NFIB: variants seen among roughly 807,000 people sequenced by gnomAD.
The protein encoded by NFIB is nuclear factor I B.
NFIB carries 11 observed loss-of-function variants against 61.5 expected under a neutral mutation model. The ratio of observed to expected loss-of-function variants is 0.18; its 90% CI spans 0.11 to 0.30. The LOEUF (loss-of-function observed/expected upper bound fraction) is 0.30, where lower values mean the gene tolerates loss of function less well. Ranked by LOEUF, NFIB falls within the 10% of genes least tolerant of loss-of-function variation. The pLI is 1.00. For missense variants in NFIB, 471 were observed against 608.9 expected (o/e 0.77, Z 2.38); for synonymous variants, 260 against 216.5 (o/e 1.20, Z -1.76).
intron 2 of NFIB, among the ~76,000 whole-genome samples, chr9:14,226,946 CCTGA>C (rs1167061690): frequency 4.0e-5 from 6 of 151,444 alleles, no homozygotes; most frequent in Non-Finnish European, 5.9e-5. Context: ...TCGTGACCAG[CCTGA>C]CTAAGATGGT....
At chr9:14,242,742 A>G (rs2054488371) in intron 2 of NFIB, among the ~76,000 whole-genome samples, 2 of 152,330 alleles carry the variant, frequency 1.3e-5, no homozygotes, top group South Asian at 2.1e-4. Context: ...ATATCAGTCA[A>G]AGACATTCAA....
At chr9:14,341,242 G>T (rs991873630) in intron 1 of NFIB, among the ~76,000 whole-genome samples, 2 of 152,124 alleles carry the variant, frequency 1.3e-5, no homozygotes, top group African/African-American at 4.8e-5. Context: ...TGTCAGAACT[G>T]GGGAATTTAG....
the NFIB span, among the ~76,000 whole-genome samples, chr9:14,447,345 T>A: frequency 6.6e-6 from 1 of 152,214 alleles, no homozygotes; most frequent in African/African-American, 2.4e-5. Context: ...ATGCTCCGTA[T>A]TCTCAGAATT....
Position 14,082,812 on chromosome 9 carries a change from A to G in NFIB, c.*5497T>C, listed in dbSNP as rs979086858. 9.8e-6 allele frequency: 2 copies of G among 204,752 alleles called. No individual in the cohort carries two copies. The highest frequency in any genetic ancestry group is 2.3e-5 in the African/African-American group (1 of 43,706). 12.7% of individuals were successfully genotyped at this position (204,752 alleles called of 1,614,324 possible). A position where few individuals can be genotyped will look rare whatever the true frequency, so the allele number is the denominator to read the frequency against. The stretch of plus-strand genomic sequence containing the variant: ...AAAAAAAAGACTTCCTTCTGCATAA[A>G]GAGATATATTTGCCACATCAGTCCC... On this transcript the variant is annotated 3_prime_UTR_variant, in exon 11 of 11. Coordinates refer to ENST00000380953, the MANE Select transcript of NFIB (RefSeq NM_001190737.2).
At chr9:14,248,939 C>T (rs554176755) in intron 2 of NFIB, among the ~76,000 whole-genome samples, 2 of 152,320 alleles carry the variant, frequency 1.3e-5, no homozygotes, top group African/African-American at 4.8e-5. Context: ...TTCCCAGTTA[C>T]ATCATTTGAA....
chr9:14,287,987 A>C (rs2058829316), intron 2 of NFIB, among the ~76,000 whole-genome samples: 1 of 152,118 alleles, frequency 6.6e-6, no homozygotes, highest in African/African-American at 2.4e-5. Flanking sequence ...TTGATTTTTA[A>C]AATAATAATG....
intron 3 of NFIB, among the ~76,000 whole-genome samples, chr9:14,158,364 T>C (rs1165742372): frequency 6.6e-6 from 1 of 152,188 alleles, no homozygotes; most frequent in African/African-American, 2.4e-5. Flanking sequence ...CAACTCCTTC[T>C]ACCACCCACT....
intron 6 of NFIB, among the ~76,000 whole-genome samples, chr9:14,140,483 C>G (rs2041563355): frequency 6.6e-6 from 1 of 152,152 alleles, no homozygotes; most frequent in African/African-American, 2.4e-5. Context: ...AAGAGCCACT[C>G]CTGGATATTC....
the NFIB span, among the ~76,000 whole-genome samples, chr9:14,495,446 C>CTTTT: frequency 0.011 from 1,314 of 117,226 alleles, 45 homozygotes; most frequent in Non-Finnish European, 0.015. Context: ...GAGAAATGAA[C>CTTTT]TTTTTTTTTT....
chr9:14,088,389 TACA>T, intron 10 of NFIB, 63 bp from the exon 11 acceptor site: 1 of 1,387,866 alleles, frequency 7.2e-7, no homozygotes, highest in Non-Finnish European at 9.5e-7. Flanking sequence ...TGTTAAAATC[TACA>T]ACAATATGAG....
At chr9:14,264,073 AAG>A (rs1243448543) in intron 2 of NFIB, among the ~76,000 whole-genome samples, 2 of 152,334 alleles carry the variant, frequency 1.3e-5, no homozygotes, top group Middle Eastern at 3.4e-3. Flanking sequence ...CAAAGGAAGA[AAG>A]GAGACAAACT....
At chr9:14,316,785 T>C (rs917109897), upstream of NFIB, among the ~76,000 whole-genome samples, 2 of 152,020 alleles carry the variant, frequency 1.3e-5, no homozygotes, top group African/African-American at 4.8e-5. Context: ...GGGGAGGGGG[T>C]GGGGAAGCTC....
At chr9:14,196,618 C>A (rs2048498294) in intron 2 of NFIB, among the ~76,000 whole-genome samples, 1 of 151,576 alleles carries the variant, frequency 6.6e-6, no homozygotes, top group Admixed American at 6.6e-5. Context: ...CAGAATGTGT[C>A]CTCCAAGGCT....
Position 14,147,482 on chromosome 9 carries a change from T to C in NFIB, c.807-675A>G, listed in dbSNP as rs185572373. Among the ~76,000 whole-genome samples the C allele has an allele frequency of 2.2e-3, 330 of 152,086 alleles. 3 individuals are homozygous for C. Among genetic ancestry groups the C allele is most frequent in the African/African-American group, 7.6e-3 (315 of 41,524 alleles). The stretch of plus-strand genomic sequence containing the variant: ...GTAATTCTTAGTAATAACCCTATCA[T>C]TAATAATAAAAAATTATAGTATTTT... On this transcript the variant is annotated intron_variant, in intron 5 of 10. Coordinates refer to ENST00000380953, the MANE Select transcript of NFIB (RefSeq NM_001190737.2).
At chr9:14,407,673 C>CA in the NFIB span, among the ~76,000 whole-genome samples, 9 of 151,780 alleles carry the variant, frequency 5.9e-5, no homozygotes, top group Middle Eastern at 3.4e-3. Flanking sequence ...TTGTCTGCAC[C>CA]AAAAAAAATT....
chr9:14,439,898 T>C, the NFIB span, among the ~76,000 whole-genome samples: 4 of 152,174 alleles, frequency 2.6e-5, no homozygotes, highest in Non-Finnish European at 5.9e-5. Flanking sequence ...TTCTGCCCTA[T>C]ATGAACCAAT....
intron 2 of NFIB, among the ~76,000 whole-genome samples, chr9:14,263,632 C>T (rs538988597): frequency 2.6e-5 from 4 of 152,272 alleles, no homozygotes; most frequent in African/African-American, 9.6e-5. Flanking sequence ...GGTTTGCCAT[C>T]TAGATTCTTC....
At chr9:14,420,160 TAA>T in the NFIB span, among the ~76,000 whole-genome samples, 1 of 152,072 alleles carries the variant, frequency 6.6e-6, no homozygotes, top group Non-Finnish European at 1.5e-5. Context: ...ATGACGTTAT[TAA>T]AGAGCCGGGC....
intron 1 of NFIB, among the ~76,000 whole-genome samples, chr9:14,358,179 T>C (rs2061197944): frequency 6.6e-6 from 1 of 150,452 alleles, no homozygotes; most frequent in South Asian, 2.1e-4. Context: ...ACATAATTAA[T>C]ATCTATTTAT....
Sources: allele counts gnomAD v4.1 joint callset (sites outside exome capture counted in the v4.1 genomes callset), GRCh38; gene constraint gnomAD v4.1.1; transcripts MANE v1.5; gene names NCBI Gene and HGNC (gene_info 2026-07-23, HGNC 2026-07-21).